Variants in NNMT observed in about 807,000 individuals in gnomAD.
NNMT encodes nicotinamide N-methyltransferase.
In NNMT, 10 loss-of-function variants were observed where a neutral mutation model predicts 11.7. That is an observed-to-expected ratio of 0.85 (90% CI 0.53 to 1.45). The LOEUF is 1.45. NNMT is among the 40% of genes most tolerant of loss of function. NNMT has a pLI of 0.00. For missense variants in NNMT, 381 were observed against 319.4 expected (o/e 1.19, Z -1.47); for synonymous variants, 143 against 133.8 (o/e 1.07, Z -0.48).
rs199632542 is a variant in NNMT, at chr11:114,312,199, C to T, written c.517C>T (p.Leu173Phe). ...TLCLDAACPD[L>F]PTYCRALRNL... ...GTGTCTGGATGCCGCCTGCCCAGAC[C>T]TCCCCACCTACTGCAGGGCGCTCAG... The change falls in exon 3 of 3, where the codon CTC becomes TTC. Residue 173 changes from leucine to phenylalanine, a missense_variant. Leu to Phe is a conservative substitution (Grantham distance 22, BLOSUM62 0). Coordinates refer to ENST00000299964, the MANE Select transcript of NNMT (RefSeq NM_006169.3). The T allele has an allele frequency of 3.8e-5, 61 of 1,614,232 alleles. 1 individual carries two copies. In the South Asian group the frequency reaches 4.8e-4, roughly 13 times the overall value.
chr11:114,304,943 T>C (rs1299130507), intron 2 of NNMT, among the ~76,000 whole-genome samples: 1 of 152,246 alleles, frequency 6.6e-6, no homozygotes, highest in Non-Finnish European at 1.5e-5. Flanking sequence ...GCTTATACAA[T>C]GAACAGAGGA....
intron 2 of NNMT, among the ~76,000 whole-genome samples, chr11:114,274,198 T>G (rs1333888514): frequency 6.6e-6 from 1 of 152,172 alleles, no homozygotes; most frequent in African/African-American, 2.4e-5. Context: ...CTCTAAGAAG[T>G]CTAGAGAAAG....
chr11:114,265,392 G>A (rs1945112046), intron 2 of NNMT, among the ~76,000 whole-genome samples: 1 of 152,078 alleles, frequency 6.6e-6, no homozygotes, highest in African/African-American at 2.4e-5. Flanking sequence ...TCTCAGTCTT[G>A]TTGGCTCACC....
intron 2 of NNMT, among the ~76,000 whole-genome samples, chr11:114,301,507 G>A (rs1206621032): frequency 6.6e-6 from 1 of 152,180 alleles, no homozygotes. Context: ...CTAATTGAAA[G>A]AAGCCAATCT....
At chr11:114,277,880 C>T (rs73009012) in intron 2 of NNMT, among the ~76,000 whole-genome samples, 2,299 of 152,296 alleles carry the variant, frequency 0.015, 19 homozygotes, top group Middle Eastern at 0.041. Flanking sequence ...AGGGTTGGTC[C>T]TCATGCTAAA....
chr11:114,311,887 A>G (rs953030687), intron 2 of NNMT, among the ~76,000 whole-genome samples, 158 bp from the exon 3 acceptor site: 1 of 152,224 alleles, frequency 6.6e-6, no homozygotes, highest in East Asian at 1.9e-4. Flanking sequence ...TTCAAATGCC[A>G]AAATGACCCC....
At chr11:114,300,939 C>G (rs919550365) in intron 2 of NNMT, among the ~76,000 whole-genome samples, 1 of 152,174 alleles carries the variant, frequency 6.6e-6, no homozygotes, top group South Asian at 2.1e-4. Flanking sequence ...TGTGTAATCC[C>G]CTTCCCTAGA....
intron 2 of NNMT, among the ~76,000 whole-genome samples, chr11:114,263,193 T>C (rs1284053405): frequency 6.6e-6 from 1 of 152,220 alleles, no homozygotes; most frequent in South Asian, 2.1e-4. Context: ...CCTGGGATAT[T>C]TAAATTAGAT....
rs117773159 is a variant in NNMT, at chr11:114,301,046, G to A, written c.362+2888G>A. 3.9e-5 allele frequency among the ~76,000 whole-genome samples: 6 copies of A among 152,262 alleles called. No individual in the cohort carries two copies. In the East Asian group the frequency reaches 1.2e-3, roughly 29 times the overall value. On this transcript the variant is annotated intron_variant, in intron 2 of 2. Transcript: ENST00000299964. ...GTGATATTAAATTAAAAGGACTACA[G>A]CACCACTACACACCTATTAGATCTA...
At chr11:114,283,100 G>A (rs1945273504) in intron 2 of NNMT, among the ~76,000 whole-genome samples, 1 of 152,080 alleles carries the variant, frequency 6.6e-6, no homozygotes, top group Non-Finnish European at 1.5e-5. Context: ...AGCCTTGCTG[G>A]GGGCAATCTG....
intron 2 of NNMT, among the ~76,000 whole-genome samples, chr11:114,265,769 G>A (rs1011411966): frequency 2.0e-5 from 3 of 152,202 alleles, no homozygotes; most frequent in South Asian, 2.1e-4. Context: ...GCTTCCAATC[G>A]ATTTCTTACG....
upstream of NNMT, among the ~76,000 whole-genome samples, chr11:114,291,509 G>T (rs906277890): frequency 1.3e-5 from 2 of 152,052 alleles, no homozygotes; most frequent in Non-Finnish European, 2.9e-5. Context: ...TTGTTTGTTT[G>T]GTTTTTGTTT....
intron 2 of NNMT, among the ~76,000 whole-genome samples, chr11:114,269,734 C>T (rs1945155381): frequency 2.6e-5 from 4 of 152,186 alleles, no homozygotes; most frequent in Admixed American, 2.0e-4. Flanking sequence ...CTCTCACCTC[C>T]AGCTCACTCC....
intron 2 of NNMT, among the ~76,000 whole-genome samples, chr11:114,286,399 C>G (rs1447160377): frequency 6.6e-6 from 1 of 152,176 alleles, no homozygotes; most frequent in African/African-American, 2.4e-5. Flanking sequence ...GTTCTGTAAC[C>G]TGAGCACAAC....
At chr11:114,288,515 A>G (rs1160066667) in intron 2 of NNMT, among the ~76,000 whole-genome samples, 3 of 151,176 alleles carry the variant, frequency 2.0e-5, no homozygotes, top group Non-Finnish European at 2.9e-5. Flanking sequence ...GATGATTTGT[A>G]TTAATTGAAT....
chr11:114,294,736 C>T (rs1452326463), upstream of NNMT, among the ~76,000 whole-genome samples: 1 of 144,536 alleles, frequency 6.9e-6, no homozygotes, highest in Non-Finnish European at 1.5e-5. Flanking sequence ...TCTGTACCCA[C>T]AAAAAGTTTT....
chr11:114,300,467 C>A (rs1486462340), intron 2 of NNMT, among the ~76,000 whole-genome samples: 2 of 152,138 alleles, frequency 1.3e-5, no homozygotes, highest in Non-Finnish European at 2.9e-5. Context: ...GTTCTATGTG[C>A]TTTCTACATT....
At chr11:114,288,760 A>G (rs1945315791) in intron 2 of NNMT, among the ~76,000 whole-genome samples, 2 of 152,294 alleles carry the variant, frequency 1.3e-5, no homozygotes, top group African/African-American at 4.8e-5. Flanking sequence ...TTTTAGTAAT[A>G]TGTCCAAAAT....
chr11:114,263,819 C>T (rs77262894), intron 2 of NNMT, among the ~76,000 whole-genome samples: 6,897 of 152,276 alleles, frequency 0.045, 172 homozygotes, highest in East Asian at 0.074. Context: ...TTGAACTCTA[C>T]AAGTGGCAAG....
Sources: allele counts gnomAD v4.1 joint callset (sites outside exome capture counted in the v4.1 genomes callset), GRCh38; gene constraint gnomAD v4.1.1; transcripts MANE v1.5; gene names NCBI Gene and HGNC (gene_info 2026-07-23, HGNC 2026-07-21).